SIK3: variants seen among roughly 807,000 people sequenced by gnomAD.
SIK3 encodes the protein SIK family kinase 3.
A neutral mutation model predicts 144.2 loss-of-function variants in SIK3; 28 were observed. That is an observed-to-expected ratio of 0.19 (90% CI 0.14 to 0.27). The LOEUF (loss-of-function observed/expected upper bound fraction) is 0.27. Ranked by LOEUF, SIK3 falls within the 10% of genes least tolerant of loss-of-function variation. SIK3 has a pLI of 1.00. For missense variants in SIK3, 1,319 were observed against 1,776.0 expected, an observed-to-expected ratio of 0.74 and a Z score of 4.62; for synonymous variants, 686 against 676.3, an observed-to-expected ratio of 1.01 and a Z score of -0.22.
rs957417238 is a variant in SIK3 at position 116,846,084 on chromosome 11, C to G, written c.*13+299G>C. Among the ~76,000 whole-genome samples, 3 of 152,196 alleles carry G rather than the reference C, an allele frequency of 2.0e-5. No homozygotes were observed. The highest frequency in any genetic ancestry group is 4.4e-5 in the Non-Finnish European group (3 of 68,032). ...ACCTGCATCCTCTGGAGCCGTAGCT[C>G]ACTTCTGTCGCTATGAAGGCTAGAG... On this transcript the variant is annotated intron_variant, in intron 24 of 24. Coordinates refer to ENST00000445177, the MANE Select transcript of SIK3 (RefSeq NM_001366686.3). The surrounding 1 kb of genome is among the most constrained non-coding windows in gnomAD (Gnocchi z 4.1).
intron 6 of SIK3, among the ~76,000 whole-genome samples, chr11:116,889,288 G>A (rs573004522): frequency 1.4e-4 from 22 of 152,328 alleles, no homozygotes; most frequent in Non-Finnish European, 2.1e-4. Flanking sequence ...TTTAGGTTGC[G>A]TATGCTGGCT....
At chr11:117,012,819 T>A (rs1951316744) in intron 1 of SIK3, among the ~76,000 whole-genome samples, 1 of 148,892 alleles carries the variant, frequency 6.7e-6, no homozygotes, top group African/African-American at 2.5e-5. Flanking sequence ...TATATTGAAA[T>A]TCTTAGGGTT....
In SIK3 at chr11:116,844,619, A is replaced by ATTGTG. The variant is rs1565345206; in HGVS notation, c.*1023_*1024insCACAA. 8.2e-4 allele frequency: 33 copies of ATTGTG among 40,418 alleles called. No individual in the cohort carries two copies. The highest frequency in any genetic ancestry group is 7.5e-3 in the African/African-American group (33 of 4,400). 2.5% of individuals were successfully genotyped at this position (40,418 alleles called of 1,614,324 possible). ...ATTTTATATATATATTATATATATA[A>ATTGTG]TATATATATAATATATTATATTATA... On this transcript the variant is annotated 3_prime_UTR_variant, in exon 25 of 25. Coordinates refer to ENST00000445177, the MANE Select transcript of SIK3 (RefSeq NM_001366686.3).
chr11:116,902,408 A>C (rs1281461502), intron 4 of SIK3, among the ~76,000 whole-genome samples: 2 of 152,250 alleles, frequency 1.3e-5, no homozygotes, highest in Non-Finnish European at 2.9e-5. Context: ...CAAAGAAAAC[A>C]ATATCAAAGG....
intron 1 of SIK3, among the ~76,000 whole-genome samples, chr11:117,020,875 A>G (rs1187811177): frequency 6.6e-6 from 1 of 152,204 alleles, no homozygotes; most frequent in Admixed American, 6.5e-5. Context: ...ATGGAACCCA[A>G]TAAGGGGATA....
At chr11:117,053,323 C>T (rs539278973) in intron 1 of SIK3, among the ~76,000 whole-genome samples, 2 of 143,010 alleles carry the variant, frequency 1.4e-5, no homozygotes, top group South Asian at 4.4e-4. Context: ...GGCAACAGAG[C>T]AAGACTCTGT....
chr11:116,913,030 C>T (rs973686052), intron 4 of SIK3, among the ~76,000 whole-genome samples: 4 of 152,074 alleles, frequency 2.6e-5, no homozygotes, highest in African/African-American at 9.7e-5. Context: ...ACCATATGAC[C>T]TAAGGGCTTT....
chr11:116,866,902 T>G (rs774612555), intron 15 of SIK3, among the ~76,000 whole-genome samples: 5 of 152,188 alleles, frequency 3.3e-5, no homozygotes, highest in African/African-American at 4.8e-5. Flanking sequence ...TATGAAAGCT[T>G]ATCTTCCTTC....
intron 4 of SIK3, among the ~76,000 whole-genome samples, chr11:116,921,292 T>C (rs935655014): frequency 6.6e-6 from 1 of 152,222 alleles, no homozygotes; most frequent in African/African-American, 2.4e-5. Context: ...TAAAAATGCT[T>C]TGTGAAGTAC....
At chr11:116,854,744 A>G (rs184790847) in intron 21 of SIK3, among the ~76,000 whole-genome samples, 1 of 152,284 alleles carries the variant, frequency 6.6e-6, no homozygotes, top group African/African-American at 2.4e-5. Context: ...TGAACAGCAA[A>G]TTATCTGATG....
chr11:116,938,594 A>G (rs1948099812), intron 3 of SIK3, among the ~76,000 whole-genome samples: 1 of 45,572 alleles, frequency 2.2e-5, no homozygotes, highest in Non-Finnish European at 3.6e-5. Flanking sequence ...AGGAGAGGAG[A>G]GGGGAGGAGA....
chr11:116,946,556 T>C (rs888590305), intron 3 of SIK3, among the ~76,000 whole-genome samples: 2 of 152,190 alleles, frequency 1.3e-5, no homozygotes. Flanking sequence ...CTTTGAGCTG[T>C]GGAGGGAGAT....
chr11:116,849,221 G>C lies in SIK3; in HGVS notation c.3718C>G (p.His1240Asp). 1 of 1,614,194 alleles carries C rather than the reference G, an allele frequency of 6.2e-7. No homozygotes were observed. Among genetic ancestry groups the C allele is most frequent in the Non-Finnish European group, 8.5e-7 (1 of 1,180,028 alleles). The stretch of plus-strand genomic sequence containing the variant: ...CGTGCTGGGTACCCGAGCCCATTGT[G>C]ATCCGGCAGCTCCACTGCTTGTCCT... ...SPGQAVELPD[H>D]NGLGYPARPS... Residue 1240 changes from histidine (H) to aspartate (D), a missense_variant, in exon 22 of 25, where the codon CAC becomes GAC. Physicochemically the swap from His to Asp is moderately conservative, Grantham distance 81 (BLOSUM62 -1). Coordinates refer to ENST00000445177, the MANE Select transcript of SIK3 (RefSeq NM_001366686.3). The surrounding 1 kb of genome is among the most constrained non-coding windows in gnomAD (Gnocchi z 4.2).
chr11:117,033,495 A>G (rs1952354934), intron 1 of SIK3, among the ~76,000 whole-genome samples: 1 of 152,194 alleles, frequency 6.6e-6, no homozygotes, highest in Non-Finnish European at 1.5e-5. Context: ...AGGTCAAGAG[A>G]TCAAGACCAT....
chr11:117,050,674 T>C (rs1815786), intron 1 of SIK3, among the ~76,000 whole-genome samples: 137,789 of 151,856 alleles, frequency 0.91, 62,876 homozygotes, highest in African/African-American at 0.98. Flanking sequence ...GCAACAAGAG[T>C]GAGACTTCAT....
intron 4 of SIK3, among the ~76,000 whole-genome samples, chr11:116,898,778 G>A (rs1449003052): frequency 1.3e-5 from 2 of 151,922 alleles, no homozygotes; most frequent in Non-Finnish European, 2.9e-5. Context: ...GTCTTCTTTT[G>A]AGAAGTGTCT....
chr11:116,988,697 G>A (rs183871092), intron 1 of SIK3, among the ~76,000 whole-genome samples: 11 of 152,004 alleles, frequency 7.2e-5, no homozygotes, highest in Admixed American at 7.2e-4. Context: ...GGGAGGCTGA[G>A]GTGGAAGGAT....
intron 4 of SIK3, among the ~76,000 whole-genome samples, chr11:116,899,280 G>A (rs557890845): frequency 2.8e-4 from 42 of 151,422 alleles, no homozygotes; most frequent in African/African-American, 9.9e-4. Context: ...TCAGATAGTT[G>A]TAGATATGCA....
At chr11:117,086,762 C>A (rs1955028907) in intron 1 of SIK3, among the ~76,000 whole-genome samples, 1 of 151,298 alleles carries the variant, frequency 6.6e-6, no homozygotes, top group Non-Finnish European at 1.5e-5. Context: ...TTTGGGAGGT[C>A]GAGGCAGGTG....
Sources: allele counts gnomAD v4.1 joint callset (sites outside exome capture counted in the v4.1 genomes callset), GRCh38; gene constraint gnomAD v4.1.1; non-coding constraint Gnocchi (gnomAD v3.1); transcripts MANE v1.5; gene names NCBI Gene and HGNC (gene_info 2026-07-23, HGNC 2026-07-21).